The following GAS2 variants were observed in gnomAD, a reference collection of about 807,000 sequenced individuals.
GAS2 encodes the protein growth arrest-specific protein 2.
In GAS2, 20 loss-of-function variants were observed where a neutral mutation model predicts 37.5. The ratio of observed to expected loss-of-function variants is 0.53; its 90% confidence interval spans 0.37 to 0.77. The LOEUF (loss-of-function observed/expected upper bound fraction) is 0.77, where lower values mean the gene tolerates loss of function less well. GAS2 is among the 30% of genes least tolerant of loss of function. The pLI, the probability that GAS2 is intolerant of heterozygous loss-of-function variation, is 0.00. For missense variants in GAS2, 336 were observed against 373.4 expected, an observed-to-expected ratio of 0.90 and a Z score of 0.82; for synonymous variants, 144 against 132.2, an observed-to-expected ratio of 1.09 and a Z score of -0.61.
At chr11:22,755,290 A>C (rs540364732) in intron 6 of GAS2, among the ~76,000 whole-genome samples, 3 of 152,224 alleles carry the variant, frequency 2.0e-5, no homozygotes, top group Non-Finnish European at 4.4e-5. Context: ...AGTGAGTTGC[A>C]GGGTAAATCT....
chr11:22,698,222 C>A (rs1349989564), intron 3 of GAS2, among the ~76,000 whole-genome samples: 1 of 152,190 alleles, frequency 6.6e-6, no homozygotes, highest in African/African-American at 2.4e-5. Flanking sequence ...AAACTACCAT[C>A]AGAGAATACT....
chr11:22,807,198 C>T (rs954459370), intron 7 of GAS2, among the ~76,000 whole-genome samples: 1 of 152,150 alleles, frequency 6.6e-6, no homozygotes, highest in Non-Finnish European at 1.5e-5. Context: ...AGCTGCAGAG[C>T]ACTGACTAGG....
intron 7 of GAS2, among the ~76,000 whole-genome samples, chr11:22,774,055 A>G (rs931905722): frequency 6.6e-6 from 1 of 152,034 alleles, no homozygotes; most frequent in African/African-American, 2.4e-5. Flanking sequence ...GTACAATGGC[A>G]CAATCTCGGC....
intron 2 of GAS2, 74 bp from the exon 3 acceptor site, chr11:22,685,594 T>G: frequency 7.1e-7 from 1 of 1,407,176 alleles, no homozygotes; most frequent in Non-Finnish European, 9.7e-7. Context: ...GTGATAAAAC[T>G]GTGTCAAATA....
At chr11:22,702,621 A>G (rs1229635940) in intron 3 of GAS2, 2 of 152,194 alleles carry the variant, frequency 1.3e-5, no homozygotes, top group African/African-American at 4.8e-5. Flanking sequence ...AATAAAATCT[A>G]TCATTTTCAT....
At chr11:22,664,887 A>G (rs994502142), upstream of GAS2, among the ~76,000 whole-genome samples, 3 of 152,138 alleles carry the variant, frequency 2.0e-5, no homozygotes, top group Non-Finnish European at 2.9e-5. Flanking sequence ...CAAAAAAAAT[A>G]TTCAGTACAA....
rs568343460 is a variant in GAS2 at position 22,719,159 on chromosome 11, TA to T, written c.268-7132del. ...TAATTAAAATATTCATCACTCCACT[TA>T]TTTTTTTCTGACGAGAACGTTTAAA... On this transcript the variant is annotated intron_variant, in intron 3 of 7. Transcript: ENST00000454584. 3.3e-5 allele frequency among the ~76,000 whole-genome samples: 5 copies of T among 152,286 alleles called. No individual in the cohort carries two copies. In the East Asian group the frequency reaches 5.8e-4, roughly 18 times the overall value.
chr11:22,648,002 C>T (rs1343476480), intron 1 of GAS2, among the ~76,000 whole-genome samples: 2 of 152,154 alleles, frequency 1.3e-5, no homozygotes, highest in African/African-American at 4.8e-5. Context: ...CTTGCCCATA[C>T]CTATGTCCTG....
Position 22,700,799 on chromosome 11 carries a change from T to G in GAS2, c.267+15010T>G, listed in dbSNP as rs542112960. Among the ~76,000 whole-genome samples the G allele has an allele frequency of 2.0e-4, 30 of 152,292 alleles. 1 individual carries two copies. In the South Asian group the frequency reaches 6.2e-3, roughly 32 times the overall value. ...GAGCGATAGCTAATGGTTTCATGAA[T>G]TTGCTCACCATTGAAAATTAGGAAG... On this transcript the variant is annotated intron_variant, in intron 3 of 7. Coordinates refer to ENST00000454584, the MANE Select transcript of GAS2 (RefSeq NM_001143830.3).
intron 1 of GAS2, chr11:22,626,805 T>TA (rs1174920116): frequency 6.6e-6 from 1 of 152,230 alleles, no homozygotes; most frequent in Admixed American, 6.5e-5. Context: ...GAAACAAATT[T>TA]AAAAGAGGGG....
intron 1 of GAS2, among the ~76,000 whole-genome samples, chr11:22,640,483 CAA>C (rs1489016765): frequency 1.3e-5 from 2 of 151,982 alleles, no homozygotes; most frequent in Non-Finnish European, 2.9e-5. Context: ...TTGACATTCA[CAA>C]AATAATTTTA....
intron 3 of GAS2, among the ~76,000 whole-genome samples, chr11:22,719,382 T>C (rs1345357209): frequency 4.6e-5 from 7 of 152,072 alleles, no homozygotes; most frequent in African/African-American, 1.7e-4. Context: ...TTCAACATTT[T>C]TAGATTTCAC....
intron 3 of GAS2, among the ~76,000 whole-genome samples, chr11:22,703,888 A>C (rs1850970261): frequency 6.6e-6 from 1 of 152,112 alleles, no homozygotes; most frequent in African/African-American, 2.4e-5. Flanking sequence ...GTCATGTCTA[A>C]TTTCACACCA....
At chr11:22,788,142 T>C (rs1855906304) in intron 7 of GAS2, among the ~76,000 whole-genome samples, 1 of 152,214 alleles carries the variant, frequency 6.6e-6, no homozygotes, top group Non-Finnish European at 1.5e-5. Context: ...TATTATGTTA[T>C]AGTAAAATGT....
At chr11:22,755,729 T>C (rs1437860084) in intron 6 of GAS2, 117 bp from the exon 7 acceptor site, 2 of 645,868 alleles carry the variant, frequency 3.1e-6, no homozygotes, top group South Asian at 2.0e-5. Flanking sequence ...ATGATGTCCA[T>C]AGATAAATAA....
chr11:22,655,562 T>C (rs1848845475), intron 1 of GAS2, among the ~76,000 whole-genome samples: 1 of 152,258 alleles, frequency 6.6e-6, no homozygotes, highest in Non-Finnish European at 1.5e-5. Context: ...CACTGCACTT[T>C]GTTGAAGTCA....
chr11:22,785,071 T>G (rs1326559638), intron 7 of GAS2, among the ~76,000 whole-genome samples: 1 of 152,078 alleles, frequency 6.6e-6, no homozygotes, highest in African/African-American at 2.4e-5. Flanking sequence ...ATATTCCAAA[T>G]GTAGAGATTC....
chr11:22,661,197 T>A (rs989462966), intron 1 of GAS2, among the ~76,000 whole-genome samples: 11 of 152,216 alleles, frequency 7.2e-5, no homozygotes, highest in Non-Finnish European at 1.3e-4. Context: ...GCAAAATTAA[T>A]AACTGGTATT....
chr11:22,706,848 C>A lies in GAS2; in HGVS notation c.268-19444C>A, dbSNP rs571515161. ...GATTTATAATCCTTTGGGTATATACCCAGTAATAGGATGGCTGGGTCAAAT... is the reference window on the plus strand; with the variant it reads ...GATTTATAATCCTTTGGGTATATACACAGTAATAGGATGGCTGGGTCAAAT... On this transcript the variant is annotated intron_variant, in intron 3 of 7. Transcript: ENST00000454584. Among the ~76,000 whole-genome samples the A allele has an allele frequency of 3.4e-3, 522 of 152,038 alleles. 3 individuals are homozygous for A. Among genetic ancestry groups the A allele is most frequent in the African/African-American group, 0.012 (486 of 41,458 alleles).
Sources: allele counts gnomAD v4.1 joint callset (sites outside exome capture counted in the v4.1 genomes callset), GRCh38; gene constraint gnomAD v4.1.1; transcripts MANE v1.5; gene names NCBI Gene and HGNC (gene_info 2026-07-23, HGNC 2026-07-21).